Variants in SPTBN5 observed in about 807,000 individuals in gnomAD.
SPTBN5 encodes spectrin beta, non-erythrocytic 5.
SPTBN5 carries 513 observed loss-of-function variants against 477.6 expected under a neutral mutation model. The observed-to-expected ratio is 1.07, with a 90% CI of 1.00 to 1.16. The LOEUF (loss-of-function observed/expected upper bound fraction) is 1.16, where lower values mean the gene tolerates loss of function less well. Ranked by LOEUF, SPTBN5 falls within the 50% of genes most tolerant of loss-of-function variation. The probability of loss-of-function intolerance (pLI) is 0.00; values close to 1 mark genes in which losing one functional copy is unlikely to be tolerated. For synonymous variants in SPTBN5, 2,169 were observed against 2,011.7 expected, an observed-to-expected ratio of 1.08 and a Z score of -2.09; for missense variants, 5,062 against 4,731.8, an observed-to-expected ratio of 1.07 and a Z score of -2.05.
rs200614333 is a variant in SPTBN5, at chr15:41,850,879, C to G, written c.10896G>C (p.Trp3632Cys). 1.9e-6 allele frequency: 3 copies of G among 1,602,872 alleles called. No homozygotes were observed. The highest frequency in any genetic ancestry group is 8.5e-7 in the Non-Finnish European group (1 of 1,175,590). Reference protein sequence around the residue: ...AAPSEEQAESWWRALGSTAAQ... With the variant: ...AAPSEEQAESCWRALGSTAAQ... ...CTGCAGTGCTGCCCAGGGCTCGCCACCAGCTCTCAGCCTGCTCTTCGGACG... is the reference window on the plus strand; with the variant it reads ...CTGCAGTGCTGCCCAGGGCTCGCCAGCAGCTCTCAGCCTGCTCTTCGGACG... The change falls in exon 66 of 68, where the codon TGG becomes TGC. Residue 3632 changes from tryptophan (W) to cysteine (C), a missense_variant. By Grantham distance (215) the Trp-to-Cys change is radical. Transcript: ENST00000320955.
At chr15:41,887,079 G>A (rs983315614) in intron 6 of SPTBN5, 134 bp downstream of exon 6, 13 of 761,864 alleles carry the variant, frequency 1.7e-5, no homozygotes, top group Non-Finnish European at 2.7e-5. Flanking sequence ...TCATCTCCAT[G>A]TGATAGAGGG....
chr15:41,881,929 T>C lies in SPTBN5; in HGVS notation c.2457+7A>G. 6.5e-7 allele frequency: 1 copy of C among 1,527,686 alleles called. No homozygotes were observed. The highest frequency in any genetic ancestry group is 8.7e-7 in the Non-Finnish European group (1 of 1,145,962). 94.6% of individuals were successfully genotyped at this position (1,527,686 alleles called of 1,614,324 possible). On this transcript the variant is annotated splice_region_variant and intron_variant, in intron 12 of 67. Transcript: ENST00000320955. ...GACCAGGCGCCCTTCCCTGTCCCCG[T>C]CCTCACCGTGAATAACGACGCCCGG...
Position 41,866,500 on chromosome 15 carries a change from G to T in SPTBN5, c.6481-7C>A. 1 of 1,552,150 alleles carries T rather than the reference G, an allele frequency of 6.4e-7. No homozygotes were observed. The highest frequency in any genetic ancestry group is 1.2e-5 in the South Asian group (1 of 81,868). ...CCTGGATCCAGTCCTCAGCCTGGTG[G>T]GGGTGGGACATGAATGCTGCAATGT... On this transcript the variant is annotated splice_region_variant and splice_polypyrimidine_tract_variant and intron_variant, in intron 36 of 67. Transcript: ENST00000320955.
In SPTBN5 at chr15:41,856,867, G is replaced by T. The variant is rs896073598; in HGVS notation, c.8794C>A (p.Gln2932Lys). Residue 2932 changes from glutamine (Q) to lysine (K), a missense_variant, in exon 52 of 68, where the codon CAG (glutamine) becomes AAG (lysine). Transcript: ENST00000320955. Reference protein sequence around the residue: ...GQSLSAVRHLQEQHQNLESEM... With the variant: ...GQSLSAVRHLKEQHQNLESEM... ...TGGGCCCACACCTGGTGCTGCTCCT[G>T]CAGGTGCCGCACCGCACTCAGGCTC... is the stretch of plus-strand genomic sequence containing the variant. 1.9e-6 allele frequency: 3 copies of T among 1,547,408 alleles called. No homozygotes were observed. The South Asian group carries it at 3.6e-5, about 18-fold the overall frequency.
chr15:41,880,069 G>T (rs1043111285), intron 14 of SPTBN5, 91 bp downstream of exon 14: 1 of 1,469,728 alleles, frequency 6.8e-7, no homozygotes, highest in Non-Finnish European at 9.1e-7. Context: ...CAGGCAGGAC[G>T]GTAGTTAAAT....
In SPTBN5 at chr15:41,878,583, C is replaced by A. The variant is rs371401313; in HGVS notation, c.3229G>T (p.Val1077Leu). The A allele has an allele frequency of 1.2e-6, 2 of 1,612,712 alleles. No individual in the cohort carries two copies. Among genetic ancestry groups the A allele is most frequent in the African/African-American group, 2.7e-5 (2 of 74,942 alleles). The change falls in exon 17 of 68, where the codon GTG becomes TTG. Residue 1077 changes from valine to leucine, a missense_variant. Physicochemically the swap from Val to Leu is conservative, Grantham distance 32. Transcript: ENST00000320955. ...YAESQPLQGQ[V>L]ETLQGLLKQV... ...TTCAGCAGCCCCTGCAGTGTCTCCA[C>A]CTGTCCTTGCAGAGGCTGGCTCTCT... is the stretch of plus-strand genomic sequence containing the variant.
At position 41,870,281 on chromosome 15, in the gene SPTBN5, G is replaced by GGT; in HGVS notation, c.5633_5634dup (p.Gln1879ThrfsTer44). 1 of 1,554,194 alleles carries GGT rather than the reference G, an allele frequency of 6.4e-7. No homozygotes were observed. ...CCCACGAGTTCTCGCTCCAGCCCCT[G>GGT]GTGGCTTCTCAGCTGCGCCTCCAGC... On this transcript the variant is annotated frameshift_variant, in exon 31 of 68. Coordinates refer to ENST00000320955, the MANE Select transcript of SPTBN5 (RefSeq NM_016642.4). LOFTEE classifies it high-confidence loss of function.
At chr15:41,856,691 G>T in intron 52 of SPTBN5, 93 bp from the exon 53 acceptor site, 1 of 1,387,062 alleles carries the variant, frequency 7.2e-7, no homozygotes, top group Non-Finnish European at 9.6e-7. Context: ...CCACTAACTT[G>T]TCCCCAAGGA....
In SPTBN5 at chr15:41,892,935, G is replaced by A; in HGVS notation, c.343C>T (p.Leu115=). ...PSRGRLRVHF[L]ENSSRALAFL... Reference sequence around the variant, plus strand: ...GCCAGAGCTCGGCTGCTGTTCTCCAGGAAGTGCACACGCAGGCGGCCCCGG... The same window carrying A: ...GCCAGAGCTCGGCTGCTGTTCTCCAAGAAGTGCACACGCAGGCGGCCCCGG... Residue 115 remains leucine (L), a synonymous_variant, in exon 3 of 68, where the codon CTG becomes TTG. Coordinates refer to ENST00000320955, the MANE Select transcript of SPTBN5 (RefSeq NM_016642.4). 3 of 1,607,916 alleles carry A rather than the reference G, an allele frequency of 1.9e-6. No homozygotes were observed. Among genetic ancestry groups the A allele is most frequent in the Non-Finnish European group, 2.5e-6 (3 of 1,179,484 alleles).
Position 41,868,099 on chromosome 15 carries a change from G to C in SPTBN5, c.6177C>G (p.Gly2059=), listed in dbSNP as rs1398300725. 4 of 1,603,920 alleles carry C rather than the reference G, an allele frequency of 2.5e-6. No homozygotes were observed. The highest frequency in any genetic ancestry group is 3.4e-6 in the Non-Finnish European group (4 of 1,177,174). ...GGGCCGCGAGGATCTCCTCCAGGCGGCCGCACTCTCTGAGGAAGAGCTGCT... is the reference window on the plus strand; with the variant it reads ...GGGCCGCGAGGATCTCCTCCAGGCGCCCGCACTCTCTGAGGAAGAGCTGCT... ...QQEQLFLREC[G]RLEEILAAQE... is the part of the protein sequence containing the mutation. Residue 2059 remains glycine (G), a synonymous_variant, in exon 34 of 68, where the codon GGC becomes GGG. Coordinates refer to ENST00000320955, the MANE Select transcript of SPTBN5 (RefSeq NM_016642.4).
rs373127611 is a variant in SPTBN5, at chr15:41,886,322, G to A, written c.933C>T (p.Tyr311=). 8.7e-5 allele frequency: 140 copies of A among 1,611,998 alleles called. No individual in the cohort carries two copies. The highest frequency in any genetic ancestry group is 1.3e-4 in the African/African-American group (10 of 74,934). Residue 311 remains tyrosine (Y), a synonymous_variant, in exon 7 of 68, where the codon TAC becomes TAT. Transcript: ENST00000320955. ...LQETELLQTQ[Y]EQLVADLLRW... The stretch of plus-strand genomic sequence containing the variant: ...GTAGAAGGTCAGCCACCAGCTGCTC[G>A]TACTGGGTCTGCAGCAGCTCTGTCT...
Position 41,868,535 on chromosome 15 carries a change from C to T in SPTBN5, c.5920G>A (p.Glu1974Lys), listed in dbSNP as rs184208625. 4 of 1,606,894 alleles carry T rather than the reference C, an allele frequency of 2.5e-6. No homozygotes were observed. In the East Asian group the frequency reaches 8.9e-5, roughly 36 times the overall value. Residue 1974 changes from glutamate to lysine, a missense_variant, in exon 33 of 68, where the codon GAG becomes AAG. Glu to Lys is a moderately conservative substitution (Grantham distance 56). Transcript: ENST00000320955. ...AGCTTCAGCGGGCCACTGCTAGGCT[C>T]TTGCGAACTCTCCTCCACCTGCAGG... is the stretch of plus-strand genomic sequence containing the variant. Reference protein sequence around the residue: ...QDLQVEESSQEPSSGPLKLSA... With the variant: ...QDLQVEESSQKPSSGPLKLSA...
chr15:41,875,769 G>A lies in SPTBN5; in HGVS notation c.4123-147C>T. ...TGCCTGGAAGAAAGCAGTTCATGTG[G>A]CCCCAAAACTGCAGGTAGGGGGGCT... On this transcript the variant is annotated intron_variant, in intron 21 of 67. Transcript: ENST00000320955. The A allele has an allele frequency of 7.0e-6, 6 of 857,106 alleles. No homozygotes were observed. In the South Asian group the frequency reaches 7.2e-5, roughly 10 times the overall value. 53.1% of individuals were successfully genotyped at this position (857,106 alleles called of 1,614,324 possible).
Position 41,876,574 on chromosome 15 carries a change from G to C in SPTBN5, c.3925C>G (p.Gln1309Glu). The C allele has an allele frequency of 6.2e-7, 1 of 1,602,964 alleles. No individual in the cohort carries two copies. The highest frequency in any genetic ancestry group is 8.5e-7 in the Non-Finnish European group (1 of 1,175,684). ...TGGAGCTGGAGGGAAGCCAGCAACT[G>C]CCTCCTCCTCTGCTCACTCCTCCCC... ...LQGRSEQRRRQLLASLQLQEW... is the reference protein window; with the variant it reads ...LQGRSEQRRRELLASLQLQEW... Residue 1309 changes from glutamine (Q) to glutamate (E), a missense_variant, in exon 20 of 68, where the codon CAG (glutamine) becomes GAG (glutamate). Gln to Glu is a conservative substitution (Grantham distance 29, BLOSUM62 2). Coordinates refer to ENST00000320955, the MANE Select transcript of SPTBN5 (RefSeq NM_016642.4).
chr15:41,869,143 T>C (rs1037924363), intron 32 of SPTBN5, among the ~76,000 whole-genome samples: 5 of 152,222 alleles, frequency 3.3e-5, no homozygotes, highest in African/African-American at 1.2e-4. Flanking sequence ...AATGTCTCAT[T>C]GCATGGAGGA....
At position 41,872,366 on chromosome 15, in the gene SPTBN5, G is replaced by A. The variant is rs182312861; in HGVS notation, c.5101C>T (p.Gln1701Ter). The A allele has an allele frequency of 1.2e-6, 2 of 1,611,262 alleles. No homozygotes were observed. The highest frequency in any genetic ancestry group is 3.3e-5 in the Admixed American group (2 of 59,858). ...TLTGPEVPEQ[Q>*]RVVQERLREQ... ...CGGAGCCTCTCCTGCACCACACGCTGCTGCTCAGGGACTTCGGGGCCAGTG... is the reference window on the plus strand; with the variant it reads ...CGGAGCCTCTCCTGCACCACACGCTACTGCTCAGGGACTTCGGGGCCAGTG... The change falls in exon 27 of 68, where the codon CAG becomes TAG. Residue 1701 changes from glutamine (Q) to a stop codon, truncating the protein, a stop_gained. Transcript: ENST00000320955. LOFTEE classifies it high-confidence loss of function.
intron 34 of SPTBN5, among the ~76,000 whole-genome samples, 151 bp from the exon 35 acceptor site, chr15:41,867,793 T>C (rs1358478152): frequency 6.6e-6 from 1 of 152,050 alleles, no homozygotes; most frequent in African/African-American, 2.4e-5. Flanking sequence ...GGAGTCCAGG[T>C]TGGGAGGCTG....
intron 22 of SPTBN5, 101 bp from the exon 23 acceptor site, chr15:41,875,157 C>G: frequency 8.6e-7 from 1 of 1,164,238 alleles, no homozygotes; most frequent in Non-Finnish European, 1.2e-6. Flanking sequence ...CCAGATTCAC[C>G]AGGGAGCTCT....
At chr15:41,876,374 C>T in intron 20 of SPTBN5, 90 bp from the exon 21 acceptor site, 2 of 1,447,380 alleles carry the variant, frequency 1.4e-6, no homozygotes, top group Non-Finnish European at 1.8e-6. Flanking sequence ...TGGCCACAGC[C>T]CCTGTTTTCC....
Sources: gnomAD v4.1 joint callset for allele counts (sites outside exome capture counted in the v4.1 genomes callset) on GRCh38, gnomAD v4.1.1 for gene constraint, MANE v1.5 for transcripts, NCBI Gene and HGNC (gene_info 2026-07-23, HGNC 2026-07-21) for gene names.